The following OPA1 variants were observed in gnomAD, a reference collection of about 807,000 sequenced individuals.
The protein encoded by OPA1 is OPA1 mitochondrial dynamin like GTPase, also known as dynamin-like GTPase OPA1, mitochondrial.
Under a neutral mutation model 152.9 loss-of-function variants are expected in OPA1, and 59 were observed. The ratio of observed to expected loss-of-function variants is 0.39; its 90% CI spans 0.31 to 0.48. The LOEUF (loss-of-function observed/expected upper bound fraction) is 0.48. OPA1 is among the 20% of genes least tolerant of loss of function. The pLI, the probability that OPA1 is intolerant of heterozygous loss-of-function variation, is 0.96. For synonymous variants in OPA1, 400 were observed against 389.9 expected, an observed-to-expected ratio of 1.03 and a Z score of -0.31; for missense variants, 1,008 against 1,216.8, an observed-to-expected ratio of 0.83 and a Z score of 2.55.
chr3:193,641,445 G>A (rs1425067268), intron 11 of OPA1, among the ~76,000 whole-genome samples: 3 of 51,918 alleles, frequency 5.8e-5, no homozygotes, highest in South Asian at 1.0e-3. Context: ...GAAATTGTGC[G>A]CAGGATGTAG....
intron 7 of OPA1, chr3:193,628,365 A>G (rs1262973749): frequency 6.6e-6 from 1 of 152,176 alleles, no homozygotes; most frequent in East Asian, 1.9e-4. Context: ...ATGTTCACAT[A>G]CATAGAAATT....
chr3:193,653,154 T>C (rs761534736), intron 21 of OPA1, among the ~76,000 whole-genome samples: 3 of 152,326 alleles, frequency 2.0e-5, no homozygotes, highest in Non-Finnish European at 4.4e-5. Flanking sequence ...CTCTCTGTCA[T>C]TAACTCAGTG....
intron 11 of OPA1, among the ~76,000 whole-genome samples, chr3:193,638,269 A>G (rs185905966): frequency 2.0e-5 from 3 of 152,264 alleles, no homozygotes; most frequent in Admixed American, 2.0e-4. Context: ...GTGGTAGGAG[A>G]GGATGACAGA....
rs745927258 is a variant in OPA1, at chr3:193,643,050, G to C, written c.1305+1G>C. 6.2e-7 allele frequency: 1 copy of C among 1,607,746 alleles called. No individual in the cohort carries two copies. The highest frequency in any genetic ancestry group is 1.3e-5 in the African/African-American group (1 of 74,760). On this transcript the variant is annotated splice_donor_variant, in intron 13 of 30. Transcript: ENST00000361510. LOFTEE classifies it high-confidence loss of function. ...AGAAGGCTGTACCGTTAGCCCTGAG[G>C]TAAGGGTTGCAATTCATTTCAGTGA...
rs1424045060 is a variant in OPA1, at chr3:193,637,057, A to G, written c.949-138A>G. 1.3e-5 allele frequency: 7 copies of G among 518,576 alleles called. No homozygotes were observed. The East Asian group carries it at 2.2e-4, about 16-fold the overall frequency. 32.1% of individuals were successfully genotyped at this position (518,576 alleles called of 1,614,324 possible). ...GTTTTAGTTTTTACGATGAAGATGT[A>G]TTTATGTAATTTGAGAAAACAGTAC... On this transcript the variant is annotated intron_variant, in intron 9 of 30. Coordinates refer to ENST00000361510, the MANE Select transcript of OPA1 (RefSeq NM_130837.3).
At chr3:193,612,880 G>A (rs1193421986) in intron 1 of OPA1, among the ~76,000 whole-genome samples, 3 of 152,026 alleles carry the variant, frequency 2.0e-5, no homozygotes, top group South Asian at 2.1e-4. Context: ...GAGTAAACTC[G>A]GAGAGCTCAA....
At chr3:193,681,465 G>A (rs1285014209) in intron 29 of OPA1, among the ~76,000 whole-genome samples, 2 of 152,268 alleles carry the variant, frequency 1.3e-5, no homozygotes, top group East Asian at 3.9e-4. Flanking sequence ...GGAAAATCCA[G>A]GCAAGTGAAA....
chr3:193,696,425 T>G lies in OPA1; in HGVS notation c.*1825T>G, dbSNP rs527611065. ...CAGTATTGTAACGTATGTGAATAGA[T>G]GATAACAATTAATATTACTAAAAGT... is the stretch of plus-strand genomic sequence containing the variant. On this transcript the variant is annotated 3_prime_UTR_variant, in exon 31 of 31. Coordinates refer to ENST00000361510, the MANE Select transcript of OPA1 (RefSeq NM_130837.3). 2.0e-5 allele frequency: 3 copies of G among 152,336 alleles called. No homozygotes were observed. In the East Asian group the frequency reaches 5.8e-4, roughly 29 times the overall value. The allele number at this position is 152,336 out of a possible 1,614,324, so 9.4% of individuals were successfully genotyped here.
intron 26 of OPA1, among the ~76,000 whole-genome samples, chr3:193,663,778 T>C (rs1715873100): frequency 6.6e-6 from 1 of 151,980 alleles, no homozygotes; most frequent in Non-Finnish European, 1.5e-5. Context: ...TCAGAACAAG[T>C]AAAAAAATAA....
chr3:193,637,154 C>T (rs1343813599), intron 9 of OPA1, 41 bp from the exon 10 acceptor site: 4 of 1,125,948 alleles, frequency 3.6e-6, no homozygotes, highest in Admixed American at 3.9e-5. Flanking sequence ...TTTTTCTTTA[C>T]TTTTACTGTT....
At position 193,658,622 on chromosome 3, in the gene OPA1, T is replaced by G. The variant is rs12635939; in HGVS notation, c.2332-265T>G. ...TGTAATATTTTGTATAATGTAAATG[T>G]GTAATATTACCCACGCACCCCATAT... is the stretch of plus-strand genomic sequence containing the variant. On this transcript the variant is annotated intron_variant, in intron 23 of 30. Coordinates refer to ENST00000361510, the MANE Select transcript of OPA1 (RefSeq NM_130837.3). 7.4e-3 allele frequency among the ~76,000 whole-genome samples: 1,124 copies of G among 152,336 alleles called. 10 individuals are homozygous for G. The highest frequency in any genetic ancestry group is 0.022 in the African/African-American group (909 of 41,576).
chr3:193,676,729 C>G (rs987037225), intron 29 of OPA1, among the ~76,000 whole-genome samples: 2 of 152,062 alleles, frequency 1.3e-5, no homozygotes, highest in Non-Finnish European at 2.9e-5. Context: ...GCCTGTAATC[C>G]CAGCACTTTA....
At chr3:193,677,230 A>G (rs920469543) in intron 29 of OPA1, among the ~76,000 whole-genome samples, 2 of 149,746 alleles carry the variant, frequency 1.3e-5, no homozygotes, top group African/African-American at 4.9e-5. Context: ...CTTATATACT[A>G]TTGTGAAAAT....
intron 8 of OPA1, 77 bp downstream of exon 8, chr3:193,631,742 A>T (rs1732112025): frequency 1.5e-6 from 2 of 1,318,678 alleles, no homozygotes; most frequent in East Asian, 4.6e-5. Context: ...ATGGACATTT[A>T]TTTTTTCAAC....
intron 1 of OPA1, among the ~76,000 whole-genome samples, chr3:193,609,146 ACT>A (rs989293235): frequency 1.6e-4 from 24 of 151,832 alleles, no homozygotes; most frequent in Admixed American, 3.9e-4. Context: ...ATGGGTCTTG[ACT>A]CTTTATCCAA....
Position 193,593,294 on chromosome 3 carries a change from TC to T in OPA1, c.-82del. The T allele has an allele frequency of 6.9e-7, 1 of 1,444,480 alleles. No individual in the cohort carries two copies. Among genetic ancestry groups the T allele is most frequent in the South Asian group, 1.3e-5 (1 of 74,328 alleles). The allele number at this position is 1,444,480 out of a possible 1,614,324, so 89.5% of individuals were successfully genotyped here. ...TGCTGAGGGCCACTTCCTGGGTCAT[TC>T]CTGGACCGGGAGCCGGGCTGGGGCT... On this transcript the variant is annotated 5_prime_UTR_variant, in exon 1 of 31. The change creates a premature stop within an existing upstream ORF in the 5' untranslated region. Coordinates refer to ENST00000361510, the MANE Select transcript of OPA1 (RefSeq NM_130837.3).
intron 1 of OPA1, among the ~76,000 whole-genome samples, chr3:193,607,221 G>A (rs997063197): frequency 6.6e-6 from 1 of 152,178 alleles, no homozygotes; most frequent in Non-Finnish European, 1.5e-5. Context: ...TAGGTTGCCT[G>A]TTCACTCTGA....
At chr3:193,627,274 A>G (rs1242087560) in intron 7 of OPA1, 3 of 152,284 alleles carry the variant, frequency 2.0e-5, no homozygotes, top group East Asian at 1.9e-4. Flanking sequence ...GTTTTTCTCA[A>G]TTCCATGGCT....
At position 193,617,837 on chromosome 3, in the gene OPA1, G is replaced by A; in HGVS notation, c.610G>A (p.Gly204Ser). 6.2e-7 allele frequency: 1 copy of A among 1,610,468 alleles called. No homozygotes were observed. Among genetic ancestry groups the A allele is most frequent in the Non-Finnish European group, 8.5e-7 (1 of 1,176,992 alleles). Residue 204 changes from glycine (G) to serine (S), a missense_variant and splice_region_variant, in exon 5 of 31, where the codon GGT becomes AGT. By Grantham distance (56) the Gly-to-Ser change is moderately conservative. Around this residue, in one of 7 missense-constraint regions of OPA1, gnomAD observed 408 missense variants for 395.1 expected, o/e 1.03. Transcript: ENST00000361510. ...IGASDLLLLLGSPEETAFRAT... is the reference protein window; with the variant it reads ...IGASDLLLLLSSPEETAFRAT... ...AGCTTCTGACCTACTTCTCTTGTTA[G>A]GTGTGTAAACAGACATTTTTGCTGA...
Sources: gnomAD v4.1 joint callset for allele counts (sites outside exome capture counted in the v4.1 genomes callset) on GRCh38, gnomAD v4.1.1 for gene constraint, gnomAD v4.1.1 regional missense constraint, MANE v1.5 for transcripts, NCBI Gene and HGNC (gene_info 2026-07-23, HGNC 2026-07-21) for gene names.